Variants in SLC13A4 observed in about 807,000 individuals in gnomAD.
SLC13A4 encodes the protein solute carrier family 13 member 4.
A neutral mutation model predicts 72.7 loss-of-function variants in SLC13A4; 28 were observed. The ratio of observed to expected loss-of-function variants is 0.39; its 90% CI spans 0.29 to 0.53. SLC13A4 has a LOEUF of 0.53. Among genes scored for constraint, SLC13A4 ranks in the 20% least tolerant of loss-of-function variants. The pLI, the probability that SLC13A4 is intolerant of heterozygous loss-of-function variation, is 0.78. For synonymous variants in SLC13A4, 312 were observed against 325.5 expected, an observed-to-expected ratio of 0.96 and a Z score of 0.45; for missense variants, 653 against 788.0, an observed-to-expected ratio of 0.83 and a Z score of 2.05.
intron 13 of SLC13A4, 120 bp downstream of exon 13, chr7:135,691,081 T>C (rs1157514171): frequency 4.7e-6 from 4 of 844,782 alleles, no homozygotes; most frequent in African/African-American, 1.8e-5. Context: ...AGAGAATCGC[T>C]TGAACCCAGG....
chr7:135,681,844 T>TA (rs1435997355), intron 15 of SLC13A4, 144 bp from the exon 16 acceptor site: 1 of 1,099,994 alleles, frequency 9.1e-7, no homozygotes, highest in Non-Finnish European at 1.3e-6. Flanking sequence ...CATTGCCTTG[T>TA]AGGGTGCACA....
At position 135,727,604 on chromosome 7, in the gene SLC13A4, C is replaced by A; in HGVS notation, c.-108G>T. On this transcript the variant is annotated 5_prime_UTR_variant, in exon 1 of 16. Coordinates refer to ENST00000682651, the MANE Select transcript of SLC13A4 (RefSeq NM_001318192.2). ...GAAAGACTTCTTAAACCTTTCTTGGCTTCCGAGAGTCCTCCTTCGTCTTGG... is the reference window on the plus strand; with the variant it reads ...GAAAGACTTCTTAAACCTTTCTTGGATTCCGAGAGTCCTCCTTCGTCTTGG... 1 of 1,347,156 alleles carries A rather than the reference C, an allele frequency of 7.4e-7. No individual in the cohort carries two copies. The highest frequency in any genetic ancestry group is 9.9e-7 in the Non-Finnish European group (1 of 1,008,338). The allele number at this position is 1,347,156 out of a possible 1,614,324, so 83.5% of individuals were successfully genotyped here.
At chr7:135,706,391 G>T in intron 3 of SLC13A4, 91 bp from the exon 4 acceptor site, 2 of 1,361,796 alleles carry the variant, frequency 1.5e-6, no homozygotes, top group Non-Finnish European at 2.0e-6. Flanking sequence ...GCTGGGGCTG[G>T]TCTAGACAGC....
intron 2 of SLC13A4, among the ~76,000 whole-genome samples, chr7:135,713,600 C>T (rs903234248): frequency 3.9e-5 from 6 of 151,990 alleles, no homozygotes; most frequent in African/African-American, 1.4e-4. Context: ...TTTTTTGAGA[C>T]AGAGTCTCAC....
intron 13 of SLC13A4, among the ~76,000 whole-genome samples, chr7:135,686,028 C>T (rs1795615033): frequency 6.6e-6 from 1 of 152,236 alleles, no homozygotes; most frequent in African/African-American, 2.4e-5. Context: ...CTTTCTCTAG[C>T]CTCTGACATC....
At chr7:135,686,894 T>A (rs1373364947) in intron 13 of SLC13A4, among the ~76,000 whole-genome samples, 1 of 151,978 alleles carries the variant, frequency 6.6e-6, no homozygotes, top group African/African-American at 2.4e-5. Flanking sequence ...CCACCTTTAC[T>A]AAAAATACAA....
At position 135,701,768 on chromosome 7, in the gene SLC13A4, G is replaced by A. The variant is rs371372524; in HGVS notation, c.634-8C>T. The A allele has an allele frequency of 7.2e-5, 116 of 1,612,980 alleles. No individual in the cohort carries two copies. Among genetic ancestry groups the A allele is most frequent in the Middle Eastern group, 3.3e-4 (2 of 6,074 alleles). Reference sequence around the variant, plus strand: ...GGGCACACCATTCAGGTTCTGTTGGGACAAAGGCCATCTCACTATTAGGAA... The same window carrying A: ...GGGCACACCATTCAGGTTCTGTTGGAACAAAGGCCATCTCACTATTAGGAA... On this transcript the variant is annotated splice_polypyrimidine_tract_variant and splice_region_variant and intron_variant, in intron 6 of 15. Transcript: ENST00000682651.
chr7:135,684,408 G>T, intron 14 of SLC13A4, 147 bp from the exon 15 acceptor site: 1 of 836,754 alleles, frequency 1.2e-6, no homozygotes, highest in Non-Finnish European at 1.8e-6. Flanking sequence ...CTGCCCTCTG[G>T]GGCATGCAGT....
chr7:135,702,920 T>G lies in SLC13A4; in HGVS notation c.594-36A>C, dbSNP rs545889455. On this transcript the variant is annotated intron_variant, in intron 5 of 15. Coordinates refer to ENST00000682651, the MANE Select transcript of SLC13A4 (RefSeq NM_001318192.2). ...GCAGAGGACACAGGAGCCACGTCAG[T>G]GAGGCCGACTCTTGGGAGGGGAGGT... 2.3e-4 allele frequency: 357 copies of G among 1,546,466 alleles called. 8 individuals carry two copies. The South Asian group carries it at 3.8e-3, about 16-fold the overall frequency.
At chr7:135,703,887 T>G (rs1397759932) in intron 5 of SLC13A4, 1 of 152,282 alleles carries the variant, frequency 6.6e-6, no homozygotes, top group Non-Finnish European at 1.5e-5. Context: ...TCCCTTCCCT[T>G]CTTCCCAAAC....
chr7:135,696,303 T>C (rs962303665), intron 8 of SLC13A4, among the ~76,000 whole-genome samples: 1 of 152,158 alleles, frequency 6.6e-6, no homozygotes, highest in Admixed American at 6.5e-5. Context: ...ATGTCTCCCA[T>C]CTTGAAAACT....
In SLC13A4 at chr7:135,699,300, C is replaced by G. The variant is rs1021764756; in HGVS notation, c.899+64G>C. 3.5e-5 allele frequency: 51 copies of G among 1,442,098 alleles called. No homozygotes were observed. The Admixed American group carries it at 1.1e-3, about 30-fold the overall frequency. 89.3% of individuals were successfully genotyped at this position (1,442,098 alleles called of 1,614,324 possible). ...TCATTTTCTACCATATCTCTAGCAC[C>G]TAGTCCAGTTCCTGACACACAGTGG... On this transcript the variant is annotated intron_variant, in intron 8 of 15. Transcript: ENST00000682651.
At chr7:135,698,238 G>A (rs1035881284) in intron 8 of SLC13A4, among the ~76,000 whole-genome samples, 43 of 151,534 alleles carry the variant, frequency 2.8e-4, no homozygotes, top group Non-Finnish European at 4.6e-4. Context: ...TCACCATGTT[G>A]GCCAGGCTGG....
At chr7:135,683,993 C>G (rs1795563520) in intron 15 of SLC13A4, 131 bp downstream of exon 15, 1 of 1,106,810 alleles carries the variant, frequency 9.0e-7, no homozygotes, top group Non-Finnish European at 1.2e-6. Context: ...GCTATTCTTG[C>G]TACCACACTG....
At position 135,684,267 on chromosome 7, in the gene SLC13A4, A is replaced by T; in HGVS notation, c.1609-6T>A. 6.3e-7 allele frequency: 1 copy of T among 1,589,938 alleles called. No homozygotes were observed. Among genetic ancestry groups the T allele is most frequent in the East Asian group, 2.3e-5 (1 of 44,060 alleles). On this transcript the variant is annotated splice_polypyrimidine_tract_variant and splice_region_variant and intron_variant, in intron 14 of 15. Coordinates refer to ENST00000682651, the MANE Select transcript of SLC13A4 (RefSeq NM_001318192.2). The stretch of plus-strand genomic sequence containing the variant: ...TTAATGTGCAGCGTTTCAGACTAGA[A>T]GAGAGAATTCACAGAAACATTCACG...
chr7:135,725,491 G>C (rs1471847032), intron 1 of SLC13A4, among the ~76,000 whole-genome samples: 1 of 152,132 alleles, frequency 6.6e-6, no homozygotes, highest in African/African-American at 2.4e-5. Context: ...TAGTTTTAGA[G>C]AGTTGGGCAA....
intron 6 of SLC13A4, chr7:135,702,075 TA>T (rs11431156): frequency 1.1e-3 from 195 of 179,344 alleles, no homozygotes; most frequent in Middle Eastern, 4.6e-3. Flanking sequence ...AAAAAGAAAA[TA>T]AAAAAAAAAT....
intron 8 of SLC13A4, among the ~76,000 whole-genome samples, chr7:135,696,553 A>C (rs1198695908): frequency 6.6e-6 from 1 of 152,082 alleles, no homozygotes; most frequent in Non-Finnish European, 1.5e-5. Context: ...GGGTTTCGCC[A>C]TGTTGGCCAG....
At chr7:135,686,737 AAC>A (rs1307342169) in intron 13 of SLC13A4, among the ~76,000 whole-genome samples, 2 of 152,186 alleles carry the variant, frequency 1.3e-5, no homozygotes, top group African/African-American at 4.8e-5. Context: ...TTCCACTAGC[AAC>A]AGTTACACAC....
Sources: allele counts gnomAD v4.1 joint callset (sites outside exome capture counted in the v4.1 genomes callset), GRCh38; gene constraint gnomAD v4.1.1; transcripts MANE v1.5; gene names NCBI Gene and HGNC (gene_info 2026-07-23, HGNC 2026-07-21).